ZNF83: variants seen among roughly 807,000 people sequenced by gnomAD.
ZNF83 encodes zinc finger protein 816B.
For missense variants in ZNF83, 552 were observed against 629.9 expected (o/e 0.88, Z 1.32); for synonymous variants, 209 against 213.0 (o/e 0.98, Z 0.17).
At chr19:52,657,874 T>A (rs2061527261) in intron 2 of ZNF83, among the ~76,000 whole-genome samples, 1 of 149,642 alleles carries the variant, frequency 6.7e-6, no homozygotes. Context: ...TGGTGGCTCA[T>A]GACTGTAATC....
chr19:52,642,204 A>C (rs2061315688), upstream of ZNF83, among the ~76,000 whole-genome samples: 1 of 151,080 alleles, frequency 6.6e-6, no homozygotes, highest in Admixed American at 6.6e-5. Context: ...AAAATTCAAC[A>C]GAACTATTTT....
At chr19:52,619,744 G>A (rs570845078) in intron 2 of ZNF83, among the ~76,000 whole-genome samples, 23 of 152,154 alleles carry the variant, frequency 1.5e-4, no homozygotes, top group African/African-American at 2.9e-4. Context: ...TGAAATAGCC[G>A]GGCTCAATGG....
At chr19:52,671,261 C>T (rs1214913270) in intron 1 of ZNF83, among the ~76,000 whole-genome samples, 1 of 152,074 alleles carries the variant, frequency 6.6e-6, no homozygotes. Flanking sequence ...AAAATCAGAG[C>T]TTACACCTCA....
upstream of ZNF83, among the ~76,000 whole-genome samples, chr19:52,640,826 G>C (rs2061293112): frequency 6.6e-6 from 1 of 152,148 alleles, no homozygotes; most frequent in Non-Finnish European, 1.5e-5. Flanking sequence ...TTCAGTACAG[G>C]TGTCCTACTA....
At chr19:52,646,417 C>G (rs1323335881) in intron 3 of ZNF83, among the ~76,000 whole-genome samples, 1 of 152,088 alleles carries the variant, frequency 6.6e-6, no homozygotes, top group African/African-American at 2.4e-5. Context: ...GGATTGGTGG[C>G]TCATGCCTGT....
intron 2 of ZNF83, among the ~76,000 whole-genome samples, chr19:52,624,552 G>C (rs145981938): frequency 6.3e-4 from 96 of 152,222 alleles, no homozygotes; most frequent in African/African-American, 2.2e-3. Flanking sequence ...TTCCCCACTC[G>C]TCTTTCCGTT....
chr19:52,661,410 C>A (rs2061578403), intron 1 of ZNF83, among the ~76,000 whole-genome samples: 1 of 152,112 alleles, frequency 6.6e-6, no homozygotes, highest in Non-Finnish European at 1.5e-5. Context: ...TGGCCCTAAC[C>A]AAACCCCATG....
At chr19:52,615,429 A>G (rs2060270957) in intron 2 of ZNF83, among the ~76,000 whole-genome samples, 1 of 152,168 alleles carries the variant, frequency 6.6e-6, no homozygotes, top group Non-Finnish European at 1.5e-5. Context: ...ACTCTGACAT[A>G]TGATAGACAC....
rs184058114 is a variant in ZNF83 at position 52,670,101 on chromosome 19, A to C, written c.-282-9258T>G. Among the ~76,000 whole-genome samples, 599 of 150,548 alleles carry C rather than the reference A, an allele frequency of 4.0e-3. 2 individuals carry two copies. Among genetic ancestry groups the C allele is most frequent in the African/African-American group, 0.014 (566 of 40,818 alleles). On this transcript the variant is annotated intron_variant, in intron 1 of 5. Transcript: ENST00000594682. ...TTTTTCGATCACCTGCTCCACCCTGACTCATTCCAATCACCTGCTCCACCT... is the reference window on the plus strand; with the variant it reads ...TTTTTCGATCACCTGCTCCACCCTGCCTCATTCCAATCACCTGCTCCACCT...
chr19:52,683,228 C>CTGTGTGTGTGTGTGTGTGTGTG (rs67463602), intron 1 of ZNF83, among the ~76,000 whole-genome samples: 5 of 127,970 alleles, frequency 3.9e-5, no homozygotes, highest in Non-Finnish European at 8.4e-5. Flanking sequence ...CCCTGTGACT[C>CTGTGTGTGTGTGTGTGTGTGTG]TGTGTGTGTG....
intron 3 of ZNF83, chr19:52,653,006 G>T: frequency 7.2e-7 from 1 of 1,391,066 alleles, no homozygotes; most frequent in Non-Finnish European, 1.0e-6. Flanking sequence ...TGAACTCTCT[G>T]ATGTTGTGCA....
chr19:52,676,816 T>G (rs1215266868), intron 1 of ZNF83, among the ~76,000 whole-genome samples: 10 of 134,746 alleles, frequency 7.4e-5, no homozygotes, highest in Non-Finnish European at 1.4e-4. Flanking sequence ...CCTGTTGATC[T>G]GTGACCTTAC....
intron 2 of ZNF83, among the ~76,000 whole-genome samples, chr19:52,629,990 G>T (rs191376390): frequency 7.0e-4 from 106 of 151,736 alleles, no homozygotes; most frequent in Middle Eastern, 6.8e-3. Flanking sequence ...ACTTCCAAAC[G>T]CCTGAACCAC....
At chr19:52,672,141 G>A (rs2061734821) in intron 1 of ZNF83, among the ~76,000 whole-genome samples, 1 of 152,118 alleles carries the variant, frequency 6.6e-6, no homozygotes. Context: ...GATTGAGGCA[G>A]GAGAATCTCT....
chr19:52,640,290 A>G (rs1200231747), upstream of ZNF83, among the ~76,000 whole-genome samples: 1 of 152,188 alleles, frequency 6.6e-6, no homozygotes, highest in Non-Finnish European at 1.5e-5. Flanking sequence ...CTCCAAATAA[A>G]TGAGATCGGC....
intron 1 of ZNF83, among the ~76,000 whole-genome samples, chr19:52,673,303 G>A (rs1169082793): frequency 2.0e-5 from 3 of 152,116 alleles, no homozygotes; most frequent in East Asian, 1.9e-4. Context: ...TCAAGAGTTC[G>A]AGACCAGCCT....
intron 3 of ZNF83, among the ~76,000 whole-genome samples, chr19:52,643,552 T>A (rs1386247518): frequency 6.6e-6 from 1 of 151,458 alleles, no homozygotes; most frequent in East Asian, 1.9e-4. Flanking sequence ...ATACAAAAAA[T>A]TAGCTGGGTG....
intron 3 of ZNF83, chr19:52,654,274 T>C: frequency 6.4e-7 from 1 of 1,556,912 alleles, no homozygotes; most frequent in South Asian, 1.1e-5. Context: ...AATATCTTTC[T>C]TGATTTCTGG....
intron 1 of ZNF83, among the ~76,000 whole-genome samples, chr19:52,677,319 AAAAAAAAAAAAC>A (rs2061832084): frequency 6.8e-6 from 1 of 147,700 alleles, no homozygotes; most frequent in Non-Finnish European, 1.5e-5. Context: ...AAAAAAAAAA[AAAAAAAAAAAAC>A]AAAAATTAGC....
Sources: gnomAD v4.1 joint callset for allele counts (sites outside exome capture counted in the v4.1 genomes callset) on GRCh38, gnomAD v4.1.1 for gene constraint, MANE v1.5 for transcripts, NCBI Gene and HGNC (gene_info 2026-07-23, HGNC 2026-07-21) for gene names.